The following BBS9 variants were observed in gnomAD, a reference collection of about 807,000 sequenced individuals.
BBS9 encodes the protein protein PTHB1.
BBS9 carries 89 observed loss-of-function variants against 117.7 expected under a neutral mutation model. The observed-to-expected ratio is 0.76, with a 90% CI of 0.64 to 0.90. BBS9 has a LOEUF of 0.90. Among genes scored for constraint, BBS9 ranks in the 40% least tolerant of loss-of-function variants. The pLI, the probability that BBS9 is intolerant of heterozygous loss-of-function variation, is 0.00. For synonymous variants in BBS9, 379 were observed against 370.9 expected, an observed-to-expected ratio of 1.02 and a Z score of -0.25; for missense variants, 982 against 1,042.2, an observed-to-expected ratio of 0.94 and a Z score of 0.80.
At chr7:33,254,423 G>T (rs1796691516) in intron 5 of BBS9, among the ~76,000 whole-genome samples, 2 of 152,138 alleles carry the variant, frequency 1.3e-5, no homozygotes, top group South Asian at 2.1e-4. Context: ...TGTGTACAAT[G>T]TGATGTTCTG....
chr7:33,622,913 T>C lies in BBS9; in HGVS notation c.2522-12264T>C, dbSNP rs147470324. 4.6e-5 allele frequency among the ~76,000 whole-genome samples: 7 copies of C among 152,286 alleles called. No homozygotes were observed. In the East Asian group the frequency reaches 1.3e-3, roughly 29 times the overall value. Reference sequence around the variant, plus strand: ...CTCATACTTCAACCATACAGAAAAGTCAATTTTGGTTGGATTAAATACTTA... The same window carrying C: ...CTCATACTTCAACCATACAGAAAAGCCAATTTTGGTTGGATTAAATACTTA... On this transcript the variant is annotated intron_variant, in intron 21 of 21. Transcript: ENST00000671952.
At chr7:33,159,883 C>G (rs1794599274) in intron 4 of BBS9, among the ~76,000 whole-genome samples, 1 of 152,176 alleles carries the variant, frequency 6.6e-6, no homozygotes, top group African/African-American at 2.4e-5. Context: ...GCTTCTTAGC[C>G]AGGGTCCCCA....
intron 19 of BBS9, among the ~76,000 whole-genome samples, chr7:33,406,425 T>C (rs1830005108): frequency 6.6e-6 from 1 of 152,154 alleles, no homozygotes; most frequent in African/African-American, 2.4e-5. Flanking sequence ...GAGCATTTAG[T>C]CCATTTACAT....
chr7:33,539,747 C>G (rs968837412), intron 21 of BBS9, among the ~76,000 whole-genome samples: 4 of 152,214 alleles, frequency 2.6e-5, no homozygotes, highest in Non-Finnish European at 4.4e-5. Context: ...GAACTGACTG[C>G]CAGATTTTCA....
chr7:33,278,155 C>T (rs60268357), intron 9 of BBS9, among the ~76,000 whole-genome samples: 17,163 of 152,154 alleles, frequency 0.11, 1,144 homozygotes, highest in African/African-American at 0.18. Context: ...CTCACTGTGA[C>T]AATTTTTGCA....
intron 19 of BBS9, among the ~76,000 whole-genome samples, chr7:33,396,821 A>G (rs534680177): frequency 3.0e-4 from 46 of 152,306 alleles, no homozygotes; most frequent in African/African-American, 9.9e-4. Context: ...GACCAATGTA[A>G]CAGAATAGAG....
chr7:33,604,714 T>C, intron 21 of BBS9, 151 bp from the exon 22 acceptor site: 1 of 691,510 alleles, frequency 1.4e-6, no homozygotes, highest in South Asian at 1.6e-5. Flanking sequence ...AAAAGAAACA[T>C]TTAAGGTTAT....
chr7:33,574,772 A>G (rs1206204143), intron 21 of BBS9, among the ~76,000 whole-genome samples: 2 of 151,440 alleles, frequency 1.3e-5, no homozygotes, highest in Non-Finnish European at 2.9e-5. Context: ...TATATAGGTT[A>G]TGTGTAAACT....
chr7:33,221,529 A>C (rs1175924341), intron 5 of BBS9, among the ~76,000 whole-genome samples: 1 of 152,182 alleles, frequency 6.6e-6, no homozygotes, highest in Non-Finnish European at 1.5e-5. Context: ...GCTTTCTACT[A>C]TGGGAGGTTA....
intron 5 of BBS9, among the ~76,000 whole-genome samples, chr7:33,205,215 T>C (rs1207289980): frequency 6.6e-6 from 1 of 152,226 alleles, no homozygotes; most frequent in Non-Finnish European, 1.5e-5. Context: ...TCAAATTTAG[T>C]AGAACCATGG....
intron 5 of BBS9, among the ~76,000 whole-genome samples, chr7:33,241,918 TTCTC>T (rs1364765805): frequency 6.6e-6 from 1 of 152,130 alleles, no homozygotes; most frequent in Non-Finnish European, 1.5e-5. Flanking sequence ...TTTCATCTCA[TTCTC>T]TATTATTTTT....
chr7:33,422,566 A>G (rs1473859766), intron 19 of BBS9, among the ~76,000 whole-genome samples: 2 of 152,164 alleles, frequency 1.3e-5, no homozygotes, highest in African/African-American at 4.8e-5. Flanking sequence ...AGCTACCACA[A>G]TTCAATTACT....
At chr7:33,633,312 A>C (rs532995521) in intron 21 of BBS9, among the ~76,000 whole-genome samples, 1 of 151,992 alleles carries the variant, frequency 6.6e-6, no homozygotes, top group South Asian at 2.1e-4. Flanking sequence ...AAGACTTAAA[A>C]AAAAAAAACT....
chr7:33,166,143 G>GT (rs1795644790), intron 4 of BBS9, among the ~76,000 whole-genome samples: 1 of 152,218 alleles, frequency 6.6e-6, no homozygotes, highest in African/African-American at 2.4e-5. Context: ...TCCAGACACT[G>GT]TTTGTCTGGG....
chr7:33,384,107 C>T (rs1825587503), intron 18 of BBS9, among the ~76,000 whole-genome samples: 1 of 152,204 alleles, frequency 6.6e-6, no homozygotes, highest in African/African-American at 2.4e-5. Context: ...AGACTTAGCC[C>T]TTGACCCCAA....
rs550038451 is a variant in BBS9, at chr7:33,241,792, G to A, written c.443-15444G>A. Among the ~76,000 whole-genome samples, 13 of 151,456 alleles carry A rather than the reference G, an allele frequency of 8.6e-5. No individual in the cohort carries two copies. In the East Asian group the frequency reaches 1.2e-3, roughly 14 times the overall value. ...AAATTTCTGTTCTTTTAAAAATTTCGCTTGGTCATTGATAAGGTCTCTTAA... is the reference window on the plus strand; with the variant it reads ...AAATTTCTGTTCTTTTAAAAATTTCACTTGGTCATTGATAAGGTCTCTTAA... On this transcript the variant is annotated intron_variant, in intron 5 of 22. Coordinates refer to ENST00000242067, the MANE Select transcript of BBS9 (RefSeq NM_198428.3).
chr7:33,332,968 A>G (rs913248233), intron 9 of BBS9, among the ~76,000 whole-genome samples: 5 of 152,054 alleles, frequency 3.3e-5, no homozygotes, highest in Admixed American at 6.6e-5. Context: ...GAACTTTTTC[A>G]TCTTTACAAG....
intron 9 of BBS9, among the ~76,000 whole-genome samples, chr7:33,295,987 T>G (rs1048876708): frequency 2.6e-5 from 4 of 152,000 alleles, no homozygotes; most frequent in African/African-American, 9.7e-5. Context: ...GTAACATGAG[T>G]AAGAAAAATC....
At chr7:33,133,227 TA>T (rs538757336) in intron 1 of BBS9, among the ~76,000 whole-genome samples, 247 of 151,374 alleles carry the variant, frequency 1.6e-3, no homozygotes, top group African/African-American at 5.5e-3. Flanking sequence ...TTGTTATCTT[TA>T]AAAAAAAACA....
Sources: gnomAD v4.1 joint callset for allele counts (sites outside exome capture counted in the v4.1 genomes callset) on GRCh38, gnomAD v4.1.1 for gene constraint, MANE v1.5 for transcripts, NCBI Gene and HGNC (gene_info 2026-07-23, HGNC 2026-07-21) for gene names.